The following UBASH3B variants were observed in gnomAD, a reference collection of about 807,000 sequenced individuals.
UBASH3B encodes the protein ubiquitin associated and SH3 domain containing B, also known as ubiquitin-associated and SH3 domain-containing protein B.
A neutral mutation model predicts 83.4 loss-of-function variants in UBASH3B; 37 were observed. The ratio of observed to expected loss-of-function variants is 0.44; its 90% CI spans 0.34 to 0.58. The LOEUF (loss-of-function observed/expected upper bound fraction) is 0.58. Ranked by LOEUF, UBASH3B falls within the 20% of genes least tolerant of loss-of-function variation. The pLI is 0.01. For missense variants in UBASH3B, 657 were observed against 827.2 expected (o/e 0.79, Z 2.52); for synonymous variants, 304 against 318.3 (o/e 0.96, Z 0.48).
intron 1 of UBASH3B, among the ~76,000 whole-genome samples, chr11:122,753,071 TG>T (rs1861224225): frequency 6.6e-6 from 1 of 151,576 alleles, no homozygotes; most frequent in Admixed American, 6.6e-5. Context: ...TTCATATTCC[TG>T]GTAGCGCTCA....
intron 1 of UBASH3B, among the ~76,000 whole-genome samples, chr11:122,690,206 ATATCCAAT>A (rs1296046935): frequency 0.14 from 3,024 of 22,370 alleles, 150 homozygotes; most frequent in African/African-American, 0.25. Context: ...ATATATATAT[ATATCCAAT>A]TATATATATA....
At chr11:122,738,955 G>A (rs1860980332) in intron 1 of UBASH3B, among the ~76,000 whole-genome samples, 1 of 152,034 alleles carries the variant, frequency 6.6e-6, no homozygotes, top group South Asian at 2.1e-4. Context: ...TGGATATAAG[G>A]GAGCCATGGA....
intron 1 of UBASH3B, among the ~76,000 whole-genome samples, chr11:122,762,376 C>T (rs560185799): frequency 3.9e-5 from 6 of 152,162 alleles, no homozygotes; most frequent in African/African-American, 7.2e-5. Context: ...TGACTTGATC[C>T]GAGGATCTGC....
At chr11:122,799,836 A>G (rs776843034) in intron 10 of UBASH3B, among the ~76,000 whole-genome samples, 2 of 152,196 alleles carry the variant, frequency 1.3e-5, no homozygotes, top group Non-Finnish European at 2.9e-5. Flanking sequence ...CTCCATTCTC[A>G]TTTCATGGGA....
At chr11:122,769,257 C>T (rs1039249680) in intron 1 of UBASH3B, among the ~76,000 whole-genome samples, 1 of 152,128 alleles carries the variant, frequency 6.6e-6, no homozygotes, top group African/African-American at 2.4e-5. Context: ...TTTCAACAAC[C>T]AGCTCCCGTG....
chr11:122,788,656 G>C (rs752585478), intron 5 of UBASH3B, among the ~76,000 whole-genome samples: 4 of 152,074 alleles, frequency 2.6e-5, no homozygotes, highest in Non-Finnish European at 4.4e-5. Context: ...CTGGAGGAGA[G>C]ACACTCCACC....
At position 122,668,010 on chromosome 11, in the gene UBASH3B, G is replaced by C. The variant is rs76255233; in HGVS notation, c.161+11800G>C. On this transcript the variant is annotated intron_variant, in intron 1 of 13. Transcript: ENST00000284273. Reference sequence around the variant, plus strand: ...TCTTTTGTTCTTTCTTTTTGAGATAGAATTTCATTCTTGTTGCCAGGCTGG... The same window carrying C: ...TCTTTTGTTCTTTCTTTTTGAGATACAATTTCATTCTTGTTGCCAGGCTGG... Among the ~76,000 whole-genome samples, 280 of 152,262 alleles carry C rather than the reference G, an allele frequency of 1.8e-3. 1 individual carries two copies. The highest frequency in any genetic ancestry group is 6.3e-3 in the African/African-American group (261 of 41,546).
rs1861464263 is a variant in UBASH3B at position 122,812,347 on chromosome 11, A to T, written c.*2461A>T. 1 of 152,226 alleles carries T rather than the reference A, an allele frequency of 6.6e-6. No homozygotes were observed. Among genetic ancestry groups the T allele is most frequent in the Non-Finnish European group, 1.5e-5 (1 of 68,036 alleles). The allele number at this position is 152,226 out of a possible 1,614,324, so 9.4% of individuals were successfully genotyped here. A position where few individuals can be genotyped will look rare whatever the true frequency, so the allele number is the denominator to read the frequency against. On this transcript the variant is annotated 3_prime_UTR_variant, in exon 14 of 14. Transcript: ENST00000284273. ...ATTTAAAAAACTAAACTTGCACTGC[A>T]ACTGAGAAATTATTTGTAAATCATG...
At chr11:122,656,360 C>CA in intron 1 of UBASH3B, 150 bp downstream of exon 1, 1 of 780,878 alleles carries the variant, frequency 1.3e-6, no homozygotes, top group Non-Finnish European at 1.7e-6. Context: ...GGCGCGCTGG[C>CA]AACCCGGGAC....
At chr11:122,744,334 T>C (rs1385365937) in intron 1 of UBASH3B, among the ~76,000 whole-genome samples, 1 of 152,258 alleles carries the variant, frequency 6.6e-6, no homozygotes, top group Non-Finnish European at 1.5e-5. Context: ...TAGGTGTGAC[T>C]GTATGAGCAT....
intron 1 of UBASH3B, among the ~76,000 whole-genome samples, chr11:122,703,554 T>C (rs1283246083): frequency 6.6e-6 from 1 of 152,242 alleles, no homozygotes; most frequent in Non-Finnish European, 1.5e-5. Flanking sequence ...AGATTAGGTT[T>C]AGAAACTGGG....
intron 1 of UBASH3B, among the ~76,000 whole-genome samples, chr11:122,688,646 TTTTATTTTA>T (rs1247237501): frequency 1.6e-5 from 2 of 126,786 alleles, no homozygotes; most frequent in African/African-American, 3.7e-5. Flanking sequence ...TTTTATTTTA[TTTTATTTTA>T]TTTTTTTGAG....
At chr11:122,718,741 G>C (rs529583728) in intron 1 of UBASH3B, among the ~76,000 whole-genome samples, 1 of 152,328 alleles carries the variant, frequency 6.6e-6, no homozygotes, top group East Asian at 1.9e-4. Context: ...GCATGTGTGT[G>C]TTTTGTGGCG....
intron 1 of UBASH3B, among the ~76,000 whole-genome samples, chr11:122,675,615 C>A (rs1009668189): frequency 6.6e-6 from 1 of 152,164 alleles, no homozygotes; most frequent in Admixed American, 6.5e-5. Flanking sequence ...CTGCTTTGCC[C>A]ATCTGTGCAA....
intron 1 of UBASH3B, among the ~76,000 whole-genome samples, chr11:122,666,833 T>C (rs1488817011): frequency 6.6e-6 from 1 of 152,082 alleles, no homozygotes; most frequent in African/African-American, 2.4e-5. Context: ...GTAATGCATC[T>C]GGCTCCTCTT....
chr11:122,785,031 A>G (rs1344963192), intron 5 of UBASH3B, among the ~76,000 whole-genome samples: 2 of 152,148 alleles, frequency 1.3e-5, no homozygotes, highest in African/African-American at 4.8e-5. Context: ...CTGAGAAGTC[A>G]CCTTTCTAAG....
At chr11:122,791,557 AT>A (rs1591815757) in intron 6 of UBASH3B, among the ~76,000 whole-genome samples, 3 of 152,204 alleles carry the variant, frequency 2.0e-5, no homozygotes, top group Admixed American at 2.0e-4. Context: ...CATAAAAGCA[AT>A]CCTGTAGATG....
intron 11 of UBASH3B, among the ~76,000 whole-genome samples, 174 bp downstream of exon 11, chr11:122,801,506 T>A (rs1439997501): frequency 6.6e-6 from 1 of 152,236 alleles, no homozygotes; most frequent in East Asian, 1.9e-4. Flanking sequence ...GCCAGCATTT[T>A]TTTCATATTT....
chr11:122,717,098 GTTCCCTCAAA>G (rs1480405366), intron 1 of UBASH3B, among the ~76,000 whole-genome samples: 4 of 152,148 alleles, frequency 2.6e-5, no homozygotes, highest in African/African-American at 9.7e-5. Context: ...TTCTCAGGGG[GTTCCCTCAAA>G]GCTACCACTG....
Sources: gnomAD v4.1 joint callset for allele counts (sites outside exome capture counted in the v4.1 genomes callset) on GRCh38, gnomAD v4.1.1 for gene constraint, MANE v1.5 for transcripts, NCBI Gene and HGNC (gene_info 2026-07-23, HGNC 2026-07-21) for gene names.